MED27: variants seen among roughly 807,000 people sequenced by gnomAD.
MED27 encodes the protein mediator of RNA polymerase II transcription subunit 27.
A neutral mutation model predicts 38.2 loss-of-function variants in MED27; 30 were observed. That is an observed-to-expected ratio of 0.79 (90% CI 0.59 to 1.07). MED27 has a LOEUF of 1.07. Among genes scored for constraint, MED27 ranks in the 50% least tolerant of loss-of-function variants. The pLI is 0.00. For missense variants in MED27, 289 were observed against 397.5 expected (o/e 0.73, Z 2.32); for synonymous variants, 122 against 153.5 (o/e 0.79, Z 1.52).
chr9:131,919,171 A>G (rs1031894350), intron 4 of MED27, among the ~76,000 whole-genome samples: 7 of 152,300 alleles, frequency 4.6e-5, no homozygotes, highest in Middle Eastern at 3.4e-3. Flanking sequence ...AGAATGCCGT[A>G]TTTACACGGA....
At chr9:132,053,674 C>G (rs1332505416) in intron 2 of MED27, among the ~76,000 whole-genome samples, 2 of 152,148 alleles carry the variant, frequency 1.3e-5, no homozygotes, top group African/African-American at 4.8e-5. Context: ...TGCCTGCGTC[C>G]AGACCCAGCT....
intron 3 of MED27, among the ~76,000 whole-genome samples, chr9:132,004,479 T>C (rs1010329461): frequency 2.0e-5 from 3 of 152,324 alleles, no homozygotes; most frequent in East Asian, 1.9e-4. Context: ...ATCTTCCTAA[T>C]ATACCACTTT....
At chr9:132,067,460 G>A (rs1833833549) in intron 2 of MED27, among the ~76,000 whole-genome samples, 1 of 152,230 alleles carries the variant, frequency 6.6e-6, no homozygotes, top group South Asian at 2.1e-4. Flanking sequence ...AAGAAAGGAG[G>A]AGGAAGAACA....
intron 2 of MED27, among the ~76,000 whole-genome samples, chr9:132,034,556 C>T (rs1400660332): frequency 2.0e-5 from 3 of 152,160 alleles, no homozygotes; most frequent in African/African-American, 7.2e-5. Flanking sequence ...ACTTTTAGGT[C>T]GAAAGGTAGC....
In MED27 at chr9:131,876,279, CTG is replaced by C. The variant is rs913647053; in HGVS notation, c.723+7777_723+7778del. ...GCTATACAGATGACAGATGACTACT[CTG>C]TGACTCCTCTAATGGCAGAAAGCCA... is the stretch of plus-strand genomic sequence containing the variant. On this transcript the variant is annotated intron_variant, in intron 6 of 7. Coordinates refer to ENST00000292035, the MANE Select transcript of MED27 (RefSeq NM_004269.4). 8.5e-5 allele frequency among the ~76,000 whole-genome samples: 13 copies of C among 152,186 alleles called. 1 individual carries two copies. The highest frequency in any genetic ancestry group is 3.1e-4 in the African/African-American group (13 of 41,442).
At chr9:131,894,108 C>A in intron 4 of MED27, 116 bp from the exon 5 acceptor site, 1 of 703,390 alleles carries the variant, frequency 1.4e-6, no homozygotes, top group East Asian at 2.6e-5. Context: ...ATGGTGCTGG[C>A]CCTGTGGATC....
chr9:132,018,377 A>G (rs1356924107), intron 2 of MED27, among the ~76,000 whole-genome samples: 1 of 152,236 alleles, frequency 6.6e-6, no homozygotes, highest in Non-Finnish European at 1.5e-5. Flanking sequence ...ATAAAAGGAA[A>G]TGATAAAAAC....
At chr9:132,030,142 A>T (rs1418727595) in intron 2 of MED27, among the ~76,000 whole-genome samples, 3 of 152,220 alleles carry the variant, frequency 2.0e-5, no homozygotes, top group Admixed American at 2.0e-4. Context: ...GACCAGTGTT[A>T]GGGGATTCGG....
In MED27 at chr9:131,861,455, T is replaced by G. The variant is rs1838650421; in HGVS notation, c.802-783A>C. ...TCCTGAATTAAGAGAAAACTGTTAT[T>G]TGAAGAGGTTGGCCGAGCTTATTGA... is the stretch of plus-strand genomic sequence containing the variant. On this transcript the variant is annotated intron_variant, in intron 7 of 7. Transcript: ENST00000292035. This position sits in a 1 kb window ranked among gnomAD's most constrained non-coding sequence, Gnocchi z 4.4. Among the ~76,000 whole-genome samples, 1 of 152,222 alleles carries G rather than the reference T, an allele frequency of 6.6e-6. No individual in the cohort carries two copies. The highest frequency in any genetic ancestry group is 1.5e-5 in the Non-Finnish European group (1 of 68,032).
At chr9:131,964,466 T>C (rs1831298862) in intron 3 of MED27, among the ~76,000 whole-genome samples, 1 of 143,326 alleles carries the variant, frequency 7.0e-6, no homozygotes, top group South Asian at 2.3e-4. Flanking sequence ...ATATTCAGGC[T>C]CCTTTGTGCC....
intron 4 of MED27, among the ~76,000 whole-genome samples, chr9:131,935,139 A>C (rs1264749521): frequency 6.6e-6 from 1 of 152,218 alleles, no homozygotes; most frequent in African/African-American, 2.4e-5. Flanking sequence ...AGTAAAAATA[A>C]ATAAGACTTA....
chr9:131,987,536 C>T lies in MED27; in HGVS notation c.479+26801G>A, dbSNP rs190911267. 3.1e-3 allele frequency among the ~76,000 whole-genome samples: 467 copies of T among 152,248 alleles called. 3 individuals are homozygous for T. The highest frequency in any genetic ancestry group is 8.6e-3 in the Admixed American group (132 of 15,292). On this transcript the variant is annotated intron_variant, in intron 3 of 7. Transcript: ENST00000292035. ...AGAGTCTGTCTTAAAGAAATCACTA[C>T]CTCCCACTAAATAATCACACCTGGC...
At chr9:131,906,475 T>A (rs935637261) in intron 4 of MED27, among the ~76,000 whole-genome samples, 1 of 151,640 alleles carries the variant, frequency 6.6e-6, no homozygotes, top group Non-Finnish European at 1.5e-5. Context: ...TGGGCAAGAG[T>A]GTGGCTGGCC....
intron 2 of MED27, among the ~76,000 whole-genome samples, chr9:132,043,871 C>T (rs914979602): frequency 2.6e-5 from 4 of 152,184 alleles, no homozygotes; most frequent in African/African-American, 4.8e-5. Flanking sequence ...GCAGGTCCCA[C>T]CTTCCTTCAG....
chr9:131,863,223 T>G, intron 6 of MED27, 83 bp from the exon 7 acceptor site: 1 of 1,094,344 alleles, frequency 9.1e-7, no homozygotes, highest in Non-Finnish European at 1.4e-6. Context: ...ACGCCTTCTG[T>G]GTGAAAACAG....
chr9:131,910,424 T>C (rs1830166348), intron 4 of MED27, among the ~76,000 whole-genome samples: 1 of 152,316 alleles, frequency 6.6e-6, no homozygotes, highest in South Asian at 2.1e-4. Context: ...CAAAACTGCC[T>C]TGTAACATCA....
chr9:131,869,444 C>CCGAGGTT lies in MED27; in HGVS notation c.724-6311_724-6305dup, dbSNP rs377273339. 3.1e-4 allele frequency: 300 copies of CCGAGGTT among 975,106 alleles called. No homozygotes were observed. In the African/African-American group the frequency reaches 5.0e-3, roughly 16 times the overall value. The allele number at this position is 975,106 out of a possible 1,614,324, so 60.4% of individuals were successfully genotyped here. On this transcript the variant is annotated intron_variant, in intron 6 of 7. Coordinates refer to ENST00000292035, the MANE Select transcript of MED27 (RefSeq NM_004269.4). The stretch of plus-strand genomic sequence containing the variant: ...CTAATTTAAATCCACTCTGTGGCAG[C>CCGAGGTT]CGAGGTTCGGTCCCATTGTGCGGCA...
At chr9:132,039,373 A>G (rs1427003085) in intron 2 of MED27, among the ~76,000 whole-genome samples, 2 of 152,162 alleles carry the variant, frequency 1.3e-5, no homozygotes, top group South Asian at 2.1e-4. Flanking sequence ...AACGATAATA[A>G]TAATAGTACA....
At chr9:132,012,753 G>A (rs941119914) in intron 3 of MED27, among the ~76,000 whole-genome samples, 10 of 152,048 alleles carry the variant, frequency 6.6e-5, no homozygotes, top group African/African-American at 2.4e-4. Context: ...AAATTATGGC[G>A]TTAATTTATT....
Sources: gnomAD v4.1 joint callset for allele counts (sites outside exome capture counted in the v4.1 genomes callset) on GRCh38, gnomAD v4.1.1 for gene constraint, Gnocchi (gnomAD v3.1) non-coding constraint, MANE v1.5 for transcripts, NCBI Gene and HGNC (gene_info 2026-07-23, HGNC 2026-07-21) for gene names.